CAMK1D: variants seen among roughly 807,000 people sequenced by gnomAD.
CAMK1D encodes the protein calcium/calmodulin-dependent protein kinase type 1D.
CAMK1D carries 9 observed loss-of-function variants against 47.7 expected under a neutral mutation model. The ratio of observed to expected loss-of-function variants is 0.19; its 90% confidence interval spans 0.11 to 0.33. CAMK1D has a LOEUF of 0.33. CAMK1D is among the 10% of genes least tolerant of loss of function. CAMK1D has a pLI of 1.00. For synonymous variants in CAMK1D, 184 were observed against 184.9 expected (o/e 0.99, Z 0.04); for missense variants, 291 against 488.7 (o/e 0.60, Z 3.81).
chr10:12,387,439 TATA>T lies in CAMK1D; in HGVS notation c.92+37530_92+37532del, dbSNP rs1360724208. Among the ~76,000 whole-genome samples the T allele has an allele frequency of 2.7e-3, 133 of 48,774 alleles. 3 individuals carry two copies. Among genetic ancestry groups the T allele is most frequent in the Middle Eastern group, 0.01 (1 of 100 alleles). 32.0% of individuals were successfully genotyped at this position (48,774 alleles called of 152,430 possible). A position where few individuals can be genotyped will look rare whatever the true frequency, so the allele number is the denominator to read the frequency against. On this transcript the variant is annotated intron_variant, in intron 1 of 10. Transcript: ENST00000619168. ...TATTTTATATATTTTATATATTATATATATTTTATATATATATATATATATAGA... is the reference window on the plus strand; with the variant it reads ...TATTTTATATATTTTATATATTATATTTTTATATATATATATATATATAGA...
intron 1 of CAMK1D, among the ~76,000 whole-genome samples, chr10:12,477,652 A>G (rs909637370): frequency 6.6e-6 from 1 of 152,138 alleles, no homozygotes; most frequent in African/African-American, 2.4e-5. Context: ...AGGGAAGTGG[A>G]GCCCACAGAG....
chr10:12,452,181 T>G (rs1280814690), intron 1 of CAMK1D, among the ~76,000 whole-genome samples: 2 of 152,174 alleles, frequency 1.3e-5, no homozygotes, highest in African/African-American at 4.8e-5. Context: ...GACAATGACC[T>G]TTGTTCACAT....
intron 1 of CAMK1D, among the ~76,000 whole-genome samples, chr10:12,424,828 C>A (rs1232553768): frequency 2.0e-5 from 3 of 152,074 alleles, no homozygotes; most frequent in Non-Finnish European, 4.4e-5. Context: ...AACCAAAAAC[C>A]CATTAGGGAC....
intron 1 of CAMK1D, among the ~76,000 whole-genome samples, chr10:12,530,067 C>T (rs76133769): frequency 1.8e-4 from 28 of 152,306 alleles, no homozygotes; most frequent in African/African-American, 6.7e-4. Context: ...CGTAAGCATA[C>T]AATGTTTATT....
intron 1 of CAMK1D, among the ~76,000 whole-genome samples, chr10:12,383,724 A>G (rs1227909421): frequency 6.6e-6 from 1 of 152,242 alleles, no homozygotes; most frequent in African/African-American, 2.4e-5. Context: ...AAATAGTTTT[A>G]AAAAGTCTAC....
intron 6 of CAMK1D, among the ~76,000 whole-genome samples, chr10:12,795,456 C>T (rs1588938180): frequency 6.6e-6 from 1 of 152,320 alleles, no homozygotes; most frequent in Non-Finnish European, 1.5e-5. Flanking sequence ...CCATGAGCAA[C>T]AGGCAGCATG....
intron 5 of CAMK1D, among the ~76,000 whole-genome samples, chr10:12,770,936 G>T (rs1010018411): frequency 6.6e-6 from 1 of 151,896 alleles, no homozygotes; most frequent in African/African-American, 2.4e-5. Flanking sequence ...GTGGGGGGTG[G>T]GGGGTGTGGT....
chr10:12,577,603 G>T (rs889792058), intron 2 of CAMK1D, among the ~76,000 whole-genome samples: 2 of 152,076 alleles, frequency 1.3e-5, no homozygotes, highest in Non-Finnish European at 2.9e-5. Context: ...TTTTCAAAAA[G>T]TCTCTGTCTT....
At chr10:12,726,141 C>T (rs1834621835) in intron 3 of CAMK1D, among the ~76,000 whole-genome samples, 1 of 151,920 alleles carries the variant, frequency 6.6e-6, no homozygotes, top group Admixed American at 6.6e-5. Flanking sequence ...AAAGGGAATA[C>T]TGGGCCGGGT....
At chr10:12,719,497 A>G (rs111867418) in intron 3 of CAMK1D, among the ~76,000 whole-genome samples, 1,794 of 152,234 alleles carry the variant, frequency 0.012, 24 homozygotes, top group African/African-American at 0.04. Context: ...TTGTATCAAG[A>G]GAAATCTGGG....
At chr10:12,445,259 T>A (rs756341988) in intron 1 of CAMK1D, among the ~76,000 whole-genome samples, 1 of 152,220 alleles carries the variant, frequency 6.6e-6, no homozygotes, top group Admixed American at 6.5e-5. Flanking sequence ...CAGGTTAACT[T>A]TGGAATCCCC....
At chr10:12,487,540 TG>T (rs766819784) in intron 1 of CAMK1D, among the ~76,000 whole-genome samples, 86 of 152,264 alleles carry the variant, frequency 5.6e-4, no homozygotes, top group South Asian at 1.4e-3. Context: ...TTTGTTGATT[TG>T]AGTTTGATTT....
At chr10:12,444,650 C>T (rs73569406) in intron 1 of CAMK1D, among the ~76,000 whole-genome samples, 1,932 of 152,248 alleles carry the variant, frequency 0.013, 23 homozygotes, top group East Asian at 0.056. Context: ...TCCAAAATCT[C>T]TGAATGCAAG....
intron 1 of CAMK1D, among the ~76,000 whole-genome samples, chr10:12,406,745 A>AAAG (rs1839442950): frequency 1.1e-5 from 1 of 93,608 alleles, no homozygotes; most frequent in African/African-American, 3.9e-5. Flanking sequence ...AAAAAAAAAA[A>AAAG]AAAAAAATCA....
chr10:12,369,454 G>A (rs775824832), intron 1 of CAMK1D, among the ~76,000 whole-genome samples: 3 of 152,060 alleles, frequency 2.0e-5, no homozygotes, highest in Non-Finnish European at 2.9e-5. Context: ...ACTGTGTATC[G>A]GTAGGAAGGT....
intron 4 of CAMK1D, among the ~76,000 whole-genome samples, chr10:12,763,665 G>GC (rs199855814): frequency 0.016 from 2,498 of 152,236 alleles, 27 homozygotes; most frequent in East Asian, 0.059. Flanking sequence ...ATATCCATCC[G>GC]CTGGGGGGCA....
intron 1 of CAMK1D, among the ~76,000 whole-genome samples, chr10:12,476,917 G>C (rs75730242): frequency 0.019 from 2,841 of 152,236 alleles, 67 homozygotes; most frequent in East Asian, 0.085. Flanking sequence ...CCCACAGTTA[G>C]AGGAGTGGCT....
rs2431637 is a variant in CAMK1D at position 12,833,263 on chromosome 10, G to A, written c.*4376G>A. 56,542 of 152,256 alleles carry A rather than the reference G, an allele frequency of 0.37. 12,130 individuals are homozygous for A. The highest frequency in any genetic ancestry group is 0.6 in the African/African-American group (24,932 of 41,466). The allele number at this position is 152,256 out of a possible 1,614,324, so 9.4% of individuals were successfully genotyped here. A position where few individuals can be genotyped will look rare whatever the true frequency, so the allele number is the denominator to read the frequency against. On this transcript the variant is annotated 3_prime_UTR_variant, in exon 11 of 11. Transcript: ENST00000619168. ...GTGTCCATCATGCCCTGGATGAATC[G>A]TAGGTGGGAGGGACAGAAGCCGAGA...
At chr10:12,771,974 C>A (rs1028867035) in intron 5 of CAMK1D, among the ~76,000 whole-genome samples, 2 of 151,678 alleles carry the variant, frequency 1.3e-5, no homozygotes, top group Non-Finnish European at 2.9e-5. Context: ...GCGGAAGTTG[C>A]AGTGGGCTGA....
Sources: gnomAD v4.1 joint callset for allele counts (sites outside exome capture counted in the v4.1 genomes callset) on GRCh38, gnomAD v4.1.1 for gene constraint, MANE v1.5 for transcripts, NCBI Gene and HGNC (gene_info 2026-07-23, HGNC 2026-07-21) for gene names.